Variants in HOMER1 observed in about 807,000 individuals in gnomAD.
HOMER1 encodes homer scaffold protein 1.
A neutral mutation model predicts 48.9 loss-of-function variants in HOMER1; 3 were observed. The ratio of observed to expected loss-of-function variants is 0.06; its 90% CI spans 0.03 to 0.16. The LOEUF (loss-of-function observed/expected upper bound fraction) is 0.16, where lower values mean the gene tolerates loss of function less well. Ranked by LOEUF, HOMER1 falls within the 10% of genes least tolerant of loss-of-function variation. HOMER1 has a pLI of 1.00. For synonymous variants in HOMER1, 134 were observed against 146.4 expected (o/e 0.92, Z 0.61); for missense variants, 247 against 411.4 (o/e 0.60, Z 3.46).
chr5:79,448,830 G>A (rs1750955223), intron 3 of HOMER1, among the ~76,000 whole-genome samples: 1 of 151,962 alleles, frequency 6.6e-6, no homozygotes, highest in Admixed American at 6.6e-5. Context: ...GAAGCTCTTG[G>A]AGCCAAGTTC....
At chr5:79,389,670 C>G (rs1448199500) in intron 8 of HOMER1, among the ~76,000 whole-genome samples, 1 of 152,172 alleles carries the variant, frequency 6.6e-6, no homozygotes, top group Non-Finnish European at 1.5e-5. Context: ...GGAAAGCAGT[C>G]CCACAACCAA....
intron 1 of HOMER1, among the ~76,000 whole-genome samples, chr5:79,499,426 T>G (rs1041679331): frequency 6.6e-6 from 1 of 152,208 alleles, no homozygotes; most frequent in Non-Finnish European, 1.5e-5. Context: ...AAACATGGGT[T>G]TGGACTGCAC....
intron 1 of HOMER1, among the ~76,000 whole-genome samples, chr5:79,465,080 T>C (rs915648299): frequency 6.6e-6 from 1 of 152,164 alleles, no homozygotes; most frequent in African/African-American, 2.4e-5. Flanking sequence ...CTCACCTCTG[T>C]AGTCCTAGTG....
chr5:79,380,742 G>T (rs535009657), intron 8 of HOMER1, among the ~76,000 whole-genome samples: 5 of 152,116 alleles, frequency 3.3e-5, no homozygotes, highest in Admixed American at 2.6e-4. Flanking sequence ...TGAAGGGATT[G>T]CCCAGCCCAG....
chr5:79,489,396 C>T (rs1311146905), intron 1 of HOMER1, among the ~76,000 whole-genome samples: 1 of 152,020 alleles, frequency 6.6e-6, no homozygotes, highest in Non-Finnish European at 1.5e-5. Context: ...GCAAAGTCCT[C>T]AGTTGCCTCA....
chr5:79,455,727 G>GA (rs1294344021), intron 2 of HOMER1, among the ~76,000 whole-genome samples: 1 of 152,150 alleles, frequency 6.6e-6, no homozygotes, highest in Non-Finnish European at 1.5e-5. Context: ...TAAAATTCCT[G>GA]AAAGTGGAAA....
At chr5:79,478,877 A>C (rs1202554323) in intron 1 of HOMER1, among the ~76,000 whole-genome samples, 2 of 152,184 alleles carry the variant, frequency 1.3e-5, no homozygotes, top group African/African-American at 4.8e-5. Flanking sequence ...ACTTGAACCC[A>C]GGAGGTGGAG....
rs536541868 is a variant in HOMER1, at chr5:79,487,148, G to A, written c.5+25622C>T. On this transcript the variant is annotated intron_variant, in intron 1 of 8. Transcript: ENST00000334082. Reference sequence around the variant, plus strand: ...ACAAAAATTAGCCAAGCGTGGTGGCGCACGCCTGTAGTCCCAGCTACTCAG... The same window carrying A: ...ACAAAAATTAGCCAAGCGTGGTGGCACACGCCTGTAGTCCCAGCTACTCAG... Among the ~76,000 whole-genome samples, 6 of 152,144 alleles carry A rather than the reference G, an allele frequency of 3.9e-5. No individual in the cohort carries two copies. In the South Asian group the frequency reaches 8.3e-4, roughly 21 times the overall value.
At chr5:79,507,322 A>G (rs1486752066) in intron 1 of HOMER1, among the ~76,000 whole-genome samples, 1 of 151,886 alleles carries the variant, frequency 6.6e-6, no homozygotes, top group Non-Finnish European at 1.5e-5. Context: ...ATTCTTCTAG[A>G]TGGTAGATGG....
At chr5:79,479,630 T>A (rs1751890489) in intron 1 of HOMER1, among the ~76,000 whole-genome samples, 2 of 152,196 alleles carry the variant, frequency 1.3e-5, no homozygotes, top group South Asian at 4.1e-4. Flanking sequence ...TTCAGCCCAG[T>A]TAAACTGCTT....
intron 1 of HOMER1, among the ~76,000 whole-genome samples, chr5:79,484,763 T>C (rs1561382274): frequency 6.6e-6 from 1 of 152,130 alleles, no homozygotes; most frequent in Non-Finnish European, 1.5e-5. Context: ...GAATGAAATC[T>C]CCATGAAGGC....
intron 8 of HOMER1, among the ~76,000 whole-genome samples, chr5:79,377,218 G>A (rs1329527711): frequency 2.6e-5 from 4 of 152,014 alleles, no homozygotes; most frequent in Non-Finnish European, 5.9e-5. Context: ...CACCCGCCTC[G>A]GCCTCCAAAT....
At chr5:79,509,004 G>A (rs191272535) in intron 1 of HOMER1, among the ~76,000 whole-genome samples, 85 of 152,284 alleles carry the variant, frequency 5.6e-4, no homozygotes, top group African/African-American at 2.0e-3. Flanking sequence ...TGATAGGGTG[G>A]TTATCTTTGC....
intron 5 of HOMER1, among the ~76,000 whole-genome samples, chr5:79,427,978 A>G (rs1328055039): frequency 6.6e-6 from 1 of 152,146 alleles, no homozygotes. Flanking sequence ...CCTATTTTGG[A>G]GAGAGAAAAT....
chr5:79,387,983 T>G (rs1045127238), intron 8 of HOMER1, among the ~76,000 whole-genome samples: 1 of 152,190 alleles, frequency 6.6e-6, no homozygotes, highest in African/African-American at 2.4e-5. Flanking sequence ...GCTCTCACTC[T>G]AACCCTTTGC....
At chr5:79,383,771 C>A (rs972768222) in intron 8 of HOMER1, among the ~76,000 whole-genome samples, 2 of 152,086 alleles carry the variant, frequency 1.3e-5, no homozygotes, top group African/African-American at 4.8e-5. Context: ...AAACAAGTCT[C>A]AACAAATTTT....
intron 1 of HOMER1, among the ~76,000 whole-genome samples, chr5:79,509,875 A>C (rs960114951): frequency 2.6e-5 from 4 of 152,210 alleles, no homozygotes; most frequent in African/African-American, 9.6e-5. Flanking sequence ...ACCTAACATT[A>C]GTTTAAAAAA....
At chr5:79,378,054 T>C (rs1341195544) in intron 8 of HOMER1, among the ~76,000 whole-genome samples, 1 of 151,972 alleles carries the variant, frequency 6.6e-6, no homozygotes, top group African/African-American at 2.4e-5. Context: ...CCTTCGTCTC[T>C]ACTAAAAATA....
Position 79,507,084 on chromosome 5 carries a change from G to A in HOMER1, c.5+5686C>T, listed in dbSNP as rs528284338. On this transcript the variant is annotated intron_variant, in intron 1 of 8. Coordinates refer to ENST00000334082, the MANE Select transcript of HOMER1 (RefSeq NM_004272.5). Reference sequence around the variant, plus strand: ...AAAAATTAGCCAGGTGTGGTGGCGCGCACCAGTAGTCCCAGCTACCTGGGA... The same window carrying A: ...AAAAATTAGCCAGGTGTGGTGGCGCACACCAGTAGTCCCAGCTACCTGGGA... 1.6e-4 allele frequency among the ~76,000 whole-genome samples: 24 copies of A among 151,294 alleles called. No homozygotes were observed. The South Asian group carries it at 1.7e-3, about 11-fold the overall frequency.
Sources: gnomAD v4.1 joint callset for allele counts (sites outside exome capture counted in the v4.1 genomes callset) on GRCh38, gnomAD v4.1.1 for gene constraint, MANE v1.5 for transcripts, NCBI Gene and HGNC (gene_info 2026-07-23, HGNC 2026-07-21) for gene names.